Variants in SDAD1 observed in about 807,000 individuals in gnomAD.
The protein encoded by SDAD1 is protein SDA1 homolog.
A neutral mutation model predicts 100.3 loss-of-function variants in SDAD1; 79 were observed. The observed-to-expected ratio is 0.79, with a 90% CI of 0.66 to 0.95. SDAD1 has a LOEUF of 0.95. Ranked by LOEUF, SDAD1 falls within the 40% of genes least tolerant of loss-of-function variation. The pLI is 0.00. For missense variants in SDAD1, 790 were observed against 810.9 expected (o/e 0.97, Z 0.31); for synonymous variants, 267 against 271.4 (o/e 0.98, Z 0.16).
At chr4:75,978,503 G>A (rs541599084) in intron 3 of SDAD1, among the ~76,000 whole-genome samples, 15 of 152,072 alleles carry the variant, frequency 9.9e-5, no homozygotes, top group African/African-American at 3.6e-4. Flanking sequence ...GCGCCTAGCA[G>A]CTGTGGCACT....
chr4:75,966,300 AC>A (rs1729538115), intron 12 of SDAD1, among the ~76,000 whole-genome samples: 1 of 150,248 alleles, frequency 6.7e-6, no homozygotes, highest in African/African-American at 2.5e-5. Context: ...ACACACACAC[AC>A]ACACACACAC....
chr4:75,974,616 C>T (rs1290521419), intron 6 of SDAD1, among the ~76,000 whole-genome samples: 1 of 151,070 alleles, frequency 6.6e-6, no homozygotes, highest in Non-Finnish European at 1.5e-5. Flanking sequence ...GGCTGAGGCA[C>T]GAGAACTGCT....
chr4:75,956,000 T>C lies in SDAD1; in HGVS notation c.1991A>G (p.Asn664Ser). The change falls in exon 21 of 22, where the codon AAT becomes AGT. Residue 664 changes from asparagine (N) to serine (S), a missense_variant. By Grantham distance (46) the Asn-to-Ser change is conservative (BLOSUM62 1). Coordinates refer to ENST00000356260, the MANE Select transcript of SDAD1 (RefSeq NM_018115.4). ...MRYSQNVRSK[N>S]KRSFREKQLA... ...CTGTTTTTCTCGGAAGGAACGCTTA[T>C]TTTTTGACCGGACATTCTGGCTATA... The C allele has an allele frequency of 6.2e-7, 1 of 1,601,218 alleles. No individual in the cohort carries two copies. Among genetic ancestry groups the C allele is most frequent in the Non-Finnish European group, 8.5e-7 (1 of 1,177,146 alleles).
intron 1 of SDAD1, 43 bp from the exon 2 acceptor site, chr4:75,982,080 G>A (rs370510298): frequency 1.7e-6 from 2 of 1,200,884 alleles, no homozygotes; most frequent in African/African-American, 3.0e-5. Flanking sequence ...TGTATTACAT[G>A]ACTTTCTCAG....
chr4:75,984,165 TAA>T (rs149376871), intron 1 of SDAD1, among the ~76,000 whole-genome samples: 137 of 138,894 alleles, frequency 9.9e-4, no homozygotes, highest in Admixed American at 1.4e-3. Context: ...TTTGGTACCT[TAA>T]AAAAAAAAAA....
intron 4 of SDAD1, among the ~76,000 whole-genome samples, chr4:75,976,951 T>G (rs139707122): frequency 1.3e-5 from 2 of 152,288 alleles, no homozygotes; most frequent in South Asian, 2.1e-4. Context: ...ACTTAAATTT[T>G]TCTTTCCTTT....
chr4:75,990,332 A>G (rs1436481565), intron 1 of SDAD1, among the ~76,000 whole-genome samples: 2 of 141,360 alleles, frequency 1.4e-5, no homozygotes, highest in African/African-American at 5.1e-5. Flanking sequence ...TCAGAAACGG[A>G]CGTCAATCGA....
rs769459200 is a variant in SDAD1, at chr4:75,975,947, G to GT, written c.453dup (p.His152ThrfsTer5). ...ACTACATTCACTTTATTGTTCTTGT[G>GT]TTTTGCATTTATATTCTTGATATCA... On this transcript the variant is annotated frameshift_variant, in exon 5 of 22. Transcript: ENST00000356260. LOFTEE classifies it high-confidence loss of function. 3.7e-6 allele frequency: 6 copies of GT among 1,605,922 alleles called. No homozygotes were observed. The highest frequency in any genetic ancestry group is 5.1e-6 in the Non-Finnish European group (6 of 1,172,730).
intron 1 of SDAD1, among the ~76,000 whole-genome samples, chr4:75,985,212 T>G (rs1270857805): frequency 6.6e-6 from 1 of 152,094 alleles, no homozygotes; most frequent in Non-Finnish European, 1.5e-5. Flanking sequence ...AGCCCAGTAT[T>G]CCCTGGCCAT....
At chr4:75,970,451 A>C in intron 9 of SDAD1, 73 bp from the exon 10 acceptor site, 1 of 1,163,002 alleles carries the variant, frequency 8.6e-7, no homozygotes. Context: ...TGTGCTAATA[A>C]GGCTGTTATA....
At chr4:75,954,160 T>C (rs1466750935) in intron 21 of SDAD1, among the ~76,000 whole-genome samples, 3 of 151,924 alleles carry the variant, frequency 2.0e-5, no homozygotes, top group Non-Finnish European at 2.9e-5. Flanking sequence ...GGCAGGCAGA[T>C]CACGAGGTCA....
chr4:75,957,299 A>C (rs1728951722), intron 20 of SDAD1, 26 bp downstream of exon 20: 1 of 1,582,166 alleles, frequency 6.3e-7, no homozygotes, highest in African/African-American at 1.4e-5. Context: ...TCTGTTTAAA[A>C]AACTAGGAAT....
rs769879168 is a variant in SDAD1, at chr4:75,961,075, G to C, written c.1309C>G (p.His437Asp). ...NVMMSARTLI[H>D]LFRTLNPQML... ...TGAGGATTCAGTGTTCGGAAGAGGT[G>C]AATCAAAGTTCTAGCAGACATCATT... Residue 437 changes from histidine (H) to aspartate (D), a missense_variant, in exon 16 of 22, where the codon CAC becomes GAC. His to Asp is a moderately conservative substitution (Grantham distance 81). Coordinates refer to ENST00000356260, the MANE Select transcript of SDAD1 (RefSeq NM_018115.4). 5.6e-6 allele frequency: 9 copies of C among 1,614,034 alleles called. No homozygotes were observed. In the East Asian group the frequency reaches 6.7e-5, roughly 12 times the overall value.
chr4:75,984,778 AACAC>A (rs35320227), intron 1 of SDAD1, among the ~76,000 whole-genome samples: 6,766 of 136,990 alleles, frequency 0.049, 248 homozygotes, highest in African/African-American at 0.11. Flanking sequence ...CACACACACA[AACAC>A]ACACACACAC....
chr4:75,987,502 TTTTTG>T (rs1271579514), intron 1 of SDAD1, among the ~76,000 whole-genome samples: 1 of 152,112 alleles, frequency 6.6e-6, no homozygotes, highest in African/African-American at 2.4e-5. Context: ...CGCTAATTTT[TTTTTG>T]TTTTGTTTTT....
chr4:75,985,918 C>T (rs576690826), intron 1 of SDAD1, among the ~76,000 whole-genome samples: 1 of 152,294 alleles, frequency 6.6e-6, no homozygotes, highest in East Asian at 1.9e-4. Context: ...CCCACGCCAA[C>T]TTCCCTTCTC....
At chr4:75,956,176 A>C (rs770071554) in intron 20 of SDAD1, 40 bp from the exon 21 acceptor site, 1 of 1,568,804 alleles carries the variant, frequency 6.4e-7, no homozygotes, top group African/African-American at 1.4e-5. Flanking sequence ...CTTCAACAAC[A>C]TACTTTAGGA....
chr4:75,988,493 T>A (rs1731034899), intron 1 of SDAD1, among the ~76,000 whole-genome samples: 1 of 152,180 alleles, frequency 6.6e-6, no homozygotes, highest in Non-Finnish European at 1.5e-5. Flanking sequence ...AACTATCCAA[T>A]TTAAAACTGC....
At position 75,981,355 on chromosome 4, in the gene SDAD1, C is replaced by G; in HGVS notation, c.294+17G>C. ...CATGAACACAGCACAATTTATTCAT[C>G]CAACTACTGGTCCTACCATTCGCAG... On this transcript the variant is annotated intron_variant, in intron 3 of 21. Transcript: ENST00000356260. The G allele has an allele frequency of 6.2e-7, 1 of 1,612,068 alleles. No homozygotes were observed. Among genetic ancestry groups the G allele is most frequent in the Admixed American group, 1.7e-5 (1 of 60,000 alleles).
Sources: gnomAD v4.1 joint callset for allele counts (sites outside exome capture counted in the v4.1 genomes callset) on GRCh38, gnomAD v4.1.1 for gene constraint, MANE v1.5 for transcripts, NCBI Gene and HGNC (gene_info 2026-07-23, HGNC 2026-07-21) for gene names.